KAZN: variants seen among roughly 807,000 people sequenced by gnomAD.
KAZN encodes kazrin, periplakin interacting protein.
In KAZN, 40 loss-of-function variants were observed where a neutral mutation model predicts 87.4. The ratio of observed to expected loss-of-function variants is 0.46; its 90% CI spans 0.36 to 0.60. The LOEUF is 0.60. KAZN is among the 20% of genes least tolerant of loss of function. The pLI is 0.00. For missense variants in KAZN, 898 were observed against 1,073.9 expected (o/e 0.84, Z 2.29); for synonymous variants, 466 against 458.3 (o/e 1.02, Z -0.22).
At position 14,198,509 on chromosome 1, in the gene KAZN, A is replaced by G. The variant is rs753336697; in HGVS notation, c.249+17917A>G. Among the ~76,000 whole-genome samples, 21 of 152,340 alleles carry G rather than the reference A, an allele frequency of 1.4e-4. No individual in the cohort carries two copies. The South Asian group carries it at 3.1e-3, about 23-fold the overall frequency. On this transcript the variant is annotated intron_variant, in intron 2 of 16. Transcript: ENST00000636203. ...CAGCTACTCAGGAGGCTGAGGCACA[A>G]GAATCAATTGAACTGGGGAGGTGGA...
chr1:14,491,143 C>G (rs1273418980), intron 2 of KAZN, among the ~76,000 whole-genome samples: 2 of 152,102 alleles, frequency 1.3e-5, no homozygotes, highest in Non-Finnish European at 2.9e-5. Context: ...CCTAGGTGTC[C>G]TGGGTTTGCT....
At chr1:14,040,330 A>C (rs1013194133) in intron 1 of KAZN, among the ~76,000 whole-genome samples, 4 of 152,120 alleles carry the variant, frequency 2.6e-5, no homozygotes, top group African/African-American at 9.7e-5. Flanking sequence ...AGGTGGAAGG[A>C]GTCAGTATGG....
intron 1 of KAZN, among the ~76,000 whole-genome samples, chr1:14,879,231 A>G (rs1653074395): frequency 6.6e-6 from 1 of 152,218 alleles, no homozygotes; most frequent in Non-Finnish European, 1.5e-5. Flanking sequence ...CTGTGTAACA[A>G]CTAATGGAGT....
chr1:15,108,585 T>G (rs752976342), intron 13 of KAZN, among the ~76,000 whole-genome samples: 8 of 152,218 alleles, frequency 5.3e-5, no homozygotes, highest in African/African-American at 1.9e-4. Context: ...TCGAGTACTC[T>G]TTCCTTCCCA....
rs187431807 is a variant in KAZN at position 15,103,530 on chromosome 1, T to C, written c.1881+70T>C. The C allele has an allele frequency of 5.5e-4, 507 of 926,156 alleles. 3 individuals carry two copies. The African/African-American group carries it at 6.6e-3, about 12-fold the overall frequency. 57.4% of individuals were successfully genotyped at this position (926,156 alleles called of 1,614,324 possible). A position where few individuals can be genotyped will look rare whatever the true frequency, so the allele number is the denominator to read the frequency against. ...AACCCCATGCAAATCTATATGCAAA[T>C]CAATATGCAAATCACATGCAAATCA... On this transcript the variant is annotated intron_variant, in intron 12 of 14. Coordinates refer to ENST00000376030, the MANE Select transcript of KAZN (RefSeq NM_201628.3).
rs369109454 is a variant in KAZN, at chr1:15,043,878, C to T, written c.556-111C>T. On this transcript the variant is annotated intron_variant, in intron 3 of 14. Transcript: ENST00000376030. Reference sequence around the variant, plus strand: ...CAGGATGGTCTCAATCTCCTGACCTCGTGACCCCACTTCTTTTTCCATCTA... The same window carrying T: ...CAGGATGGTCTCAATCTCCTGACCTTGTGACCCCACTTCTTTTTCCATCTA... 301 of 1,101,938 alleles carry T rather than the reference C, an allele frequency of 2.7e-4. 2 individuals are homozygous for T. The South Asian group carries it at 4.9e-3, about 18-fold the overall frequency. 68.3% of individuals were successfully genotyped at this position (1,101,938 alleles called of 1,614,324 possible).
chr1:14,158,884 G>A (rs886359489), intron 1 of KAZN, among the ~76,000 whole-genome samples: 13 of 152,140 alleles, frequency 8.5e-5, no homozygotes, highest in Non-Finnish European at 1.9e-4. Context: ...ATGGTCTTGG[G>A]TAATATCTGA....
At chr1:14,396,174 A>AC (rs1462229977) in intron 2 of KAZN, among the ~76,000 whole-genome samples, 1 of 151,816 alleles carries the variant, frequency 6.6e-6, no homozygotes, top group African/African-American at 2.4e-5. Context: ...GTCTCAAAAA[A>AC]AAAAAAAAAA....
chr1:14,115,081 A>G (rs1644586268), intron 1 of KAZN, among the ~76,000 whole-genome samples: 1 of 152,220 alleles, frequency 6.6e-6, no homozygotes, highest in Non-Finnish European at 1.5e-5. Context: ...TGGGTTAAAG[A>G]GCAGACATTG....
intron 1 of KAZN, among the ~76,000 whole-genome samples, chr1:14,012,479 A>G (rs1026619846): frequency 5.3e-5 from 8 of 152,220 alleles, no homozygotes; most frequent in African/African-American, 1.9e-4. Flanking sequence ...GGCTGGGGTC[A>G]CTAGTCTTCT....
chr1:13,897,410 C>T (rs1395464652), intron 1 of KAZN, among the ~76,000 whole-genome samples: 1 of 152,072 alleles, frequency 6.6e-6, no homozygotes, highest in Non-Finnish European at 1.5e-5. Flanking sequence ...TTGCTGGTAC[C>T]CTTGATGCTA....
intron 2 of KAZN, among the ~76,000 whole-genome samples, chr1:14,556,545 C>T (rs181685905): frequency 2.6e-5 from 4 of 152,166 alleles, no homozygotes; most frequent in African/African-American, 9.6e-5. Flanking sequence ...GTGAATTTTC[C>T]AGCTGCCTCT....
At chr1:14,419,626 G>T (rs186930577) in intron 2 of KAZN, among the ~76,000 whole-genome samples, 15 of 152,318 alleles carry the variant, frequency 9.8e-5, no homozygotes, top group East Asian at 5.8e-4. Context: ...TAGTGTGTCC[G>T]GAGTTTGTTC....
intron 1 of KAZN, among the ~76,000 whole-genome samples, chr1:14,010,394 T>C (rs560073340): frequency 1.2e-4 from 19 of 152,342 alleles, no homozygotes; most frequent in Admixed American, 7.8e-4. Context: ...GTGTTGAAAC[T>C]GTAACGTATC....
chr1:14,692,293 C>T, intron 1 of KAZN: 1 of 653,636 alleles, frequency 1.5e-6, no homozygotes. Context: ...AGGATCTCTG[C>T]CTGCTTTTTA....
intron 1 of KAZN, among the ~76,000 whole-genome samples, chr1:14,628,000 G>A (rs1242159489): frequency 1.3e-5 from 2 of 151,014 alleles, no homozygotes; most frequent in East Asian, 1.9e-4. Context: ...TCTCTCTCTC[G>A]TCTGTCTGAC....
chr1:14,170,804 C>A (rs1570930213), intron 1 of KAZN, among the ~76,000 whole-genome samples: 1 of 152,152 alleles, frequency 6.6e-6, no homozygotes, highest in Admixed American at 6.5e-5. Context: ...TCACTGCAAC[C>A]TCTACCTCCT....
intron 2 of KAZN, among the ~76,000 whole-genome samples, chr1:14,425,902 C>A (rs551227304): frequency 4.6e-5 from 7 of 152,324 alleles, no homozygotes; most frequent in African/African-American, 1.7e-4. Context: ...GTGCACTCAA[C>A]ACATTCATCA....
intron 2 of KAZN, among the ~76,000 whole-genome samples, chr1:14,961,232 A>G (rs2101777691): frequency 6.6e-6 from 1 of 152,294 alleles, no homozygotes; most frequent in East Asian, 1.9e-4. Context: ...CACTCAGGGC[A>G]TAGTGTGGCT....
Sources: allele counts gnomAD v4.1 joint callset (sites outside exome capture counted in the v4.1 genomes callset), GRCh38; gene constraint gnomAD v4.1.1; transcripts MANE v1.5; gene names NCBI Gene and HGNC (gene_info 2026-07-23, HGNC 2026-07-21).